Variants in NAV2 observed in about 807,000 individuals in gnomAD.
NAV2 encodes the protein helicase, APC down-regulated 1.
Under a neutral mutation model 223.2 loss-of-function variants are expected in NAV2, and 54 were observed. The ratio of observed to expected loss-of-function variants is 0.24; its 90% CI spans 0.19 to 0.30. NAV2 has a LOEUF of 0.30. Among genes scored for constraint, NAV2 ranks in the 10% least tolerant of loss-of-function variants. NAV2 has a pLI of 1.00. For synonymous variants in NAV2, 1,279 were observed against 1,239.3 expected, an observed-to-expected ratio of 1.03 and a Z score of -0.67; for missense variants, 2,806 against 3,147.5, an observed-to-expected ratio of 0.89 and a Z score of 2.60.
intron 1 of NAV2, among the ~76,000 whole-genome samples, chr11:19,398,715 T>C (rs1176665033): frequency 6.6e-6 from 1 of 152,188 alleles, no homozygotes; most frequent in Non-Finnish European, 1.5e-5. Context: ...GCTCAGCCCC[T>C]TAATTATGAC....
At chr11:19,631,436 A>G (rs1482751860) in intron 1 of NAV2, among the ~76,000 whole-genome samples, 1 of 152,188 alleles carries the variant, frequency 6.6e-6, no homozygotes, top group East Asian at 1.9e-4. Flanking sequence ...GCTTTTGCCA[A>G]AACAAGATTC....
intron 1 of NAV2, among the ~76,000 whole-genome samples, chr11:19,682,312 G>A (rs1036223017): frequency 3.3e-5 from 5 of 152,172 alleles, no homozygotes; most frequent in Admixed American, 1.3e-4. Flanking sequence ...TTACACACAT[G>A]CCTTATCTCA....
At chr11:19,735,621 C>T (rs1480291105) in intron 1 of NAV2, among the ~76,000 whole-genome samples, 1 of 152,170 alleles carries the variant, frequency 6.6e-6, no homozygotes, top group Non-Finnish European at 1.5e-5. Context: ...ATCAGAGCCA[C>T]AACTTGAACT....
At chr11:19,358,426 A>G (rs1458333945) in intron 1 of NAV2, among the ~76,000 whole-genome samples, 2 of 152,174 alleles carry the variant, frequency 1.3e-5, no homozygotes, top group Non-Finnish European at 2.9e-5. Context: ...ATGTAACTGC[A>G]TATGTTAGAG....
At chr11:19,650,730 A>T (rs1337401799) in intron 1 of NAV2, among the ~76,000 whole-genome samples, 1 of 152,252 alleles carries the variant, frequency 6.6e-6, no homozygotes, top group African/African-American at 2.4e-5. Flanking sequence ...ACAGTGGAAT[A>T]CTACCCGGCA....
chr11:20,110,144 G>T (rs1267941128), intron 36 of NAV2, among the ~76,000 whole-genome samples: 1 of 152,248 alleles, frequency 6.6e-6, no homozygotes. Flanking sequence ...AGACTCACTA[G>T]TTCAGTGTGA....
chr11:19,449,375 C>T (rs144040648), intron 1 of NAV2, among the ~76,000 whole-genome samples: 2,377 of 148,272 alleles, frequency 0.016, 69 homozygotes, highest in African/African-American at 0.056. Context: ...CCAGCCTGAG[C>T]GACAGAGCGA....
intron 1 of NAV2, among the ~76,000 whole-genome samples, chr11:19,715,315 C>T (rs369778188): frequency 5.9e-5 from 9 of 152,106 alleles, no homozygotes; most frequent in Admixed American, 1.3e-4. Context: ...TCCAGTGCTC[C>T]GGGGGCCTGC....
rs1225223920 is a variant in NAV2 at position 20,119,486 on chromosome 11, C to G, written c.*1228C>G. 6.6e-6 allele frequency: 1 copy of G among 152,620 alleles called. No individual in the cohort carries two copies. The highest frequency in any genetic ancestry group is 2.4e-5 in the African/African-American group (1 of 41,406). The allele number at this position is 152,620 out of a possible 1,614,324, so 9.5% of individuals were successfully genotyped here. ...CGCCCCAGCTTCCGGTGGGGTGATG[C>G]GGTCACCCTGCAAAAGACTTGCACT... On this transcript the variant is annotated 3_prime_UTR_variant, in exon 38 of 38. Transcript: ENST00000349880.
intron 1 of NAV2, among the ~76,000 whole-genome samples, chr11:19,420,568 A>T (rs138431138): frequency 6.6e-6 from 1 of 152,242 alleles, no homozygotes; most frequent in African/African-American, 2.4e-5. Context: ...CTACACATCA[A>T]TGAGAACAAA....
chr11:19,922,520 T>A (rs2044366904), intron 6 of NAV2, among the ~76,000 whole-genome samples: 1 of 152,188 alleles, frequency 6.6e-6, no homozygotes, highest in South Asian at 2.1e-4. Context: ...TCTATTACAG[T>A]CACCTGGGGA....
chr11:19,741,687 GTATATATATATATATATATATA>G (rs1156844957), intron 1 of NAV2, among the ~76,000 whole-genome samples: 1,629 of 21,068 alleles, frequency 0.077, 51 homozygotes, highest in African/African-American at 0.14. Flanking sequence ...GTGTGTGTGT[GTATATATATATATATATATATA>G]TATATATATA....
chr11:19,977,445 G>C (rs145726088), intron 10 of NAV2, among the ~76,000 whole-genome samples: 2 of 152,156 alleles, frequency 1.3e-5, no homozygotes, highest in African/African-American at 4.8e-5. Flanking sequence ...TGTGTTCTTC[G>C]CTTGAATTTC....
rs560057714 is a variant in NAV2, at chr11:20,112,148, T to C, written c.6961-2444T>C. ...CAAAATTGCACAAATGGTTCTAATG[T>C]GGAGCAGCCTTCTTCTGCTCCAAAT... On this transcript the variant is annotated intron_variant, in intron 36 of 37. Coordinates refer to ENST00000349880, the MANE Select transcript of NAV2 (RefSeq NM_145117.5). 3.7e-4 allele frequency among the ~76,000 whole-genome samples: 56 copies of C among 152,360 alleles called. 3 individuals are homozygous for C. The South Asian group carries it at 0.011, about 29-fold the overall frequency.
At chr11:19,797,853 G>A (rs1303277025) in intron 1 of NAV2, among the ~76,000 whole-genome samples, 1 of 152,134 alleles carries the variant, frequency 6.6e-6, no homozygotes, top group East Asian at 1.9e-4. Flanking sequence ...ACTCAATGAA[G>A]TCACCGGTGT....
intron 1 of NAV2, among the ~76,000 whole-genome samples, chr11:19,413,382 A>G (rs553756450): frequency 6.6e-6 from 1 of 152,322 alleles, no homozygotes; most frequent in South Asian, 2.1e-4. Context: ...AGAAAAAAGA[A>G]TGAAAAGGAA....
At chr11:19,931,720 T>G (rs1056999820) in intron 6 of NAV2, 3 of 152,286 alleles carry the variant, frequency 2.0e-5, no homozygotes, top group African/African-American at 7.2e-5. Flanking sequence ...TTGTGACAAT[T>G]GGAAGGGCAG....
intron 6 of NAV2, among the ~76,000 whole-genome samples, chr11:19,926,076 A>C (rs147322171): frequency 6.6e-6 from 1 of 152,298 alleles, no homozygotes; most frequent in East Asian, 1.9e-4. Flanking sequence ...TGAGATTCCA[A>C]TGAATTTTAG....
At position 19,908,432 on chromosome 11, in the gene NAV2, G is replaced by A. The variant is rs188249114; in HGVS notation, c.931+15838G>A. Among the ~76,000 whole-genome samples, 4 of 152,246 alleles carry A rather than the reference G, an allele frequency of 2.6e-5. No homozygotes were observed. In the East Asian group the frequency reaches 5.8e-4, roughly 22 times the overall value. On this transcript the variant is annotated intron_variant, in intron 6 of 37. Transcript: ENST00000349880. ...GGTAACTCTCCAGCACCAGGAGGAG[G>A]AGACATTTTGCAGAGTGCTGGTCTG... is the stretch of plus-strand genomic sequence containing the variant.
Sources: allele counts gnomAD v4.1 joint callset (sites outside exome capture counted in the v4.1 genomes callset), GRCh38; gene constraint gnomAD v4.1.1; transcripts MANE v1.5; gene names NCBI Gene and HGNC (gene_info 2026-07-23, HGNC 2026-07-21).